Variants in LRRC28 observed in about 807,000 individuals in gnomAD.
LRRC28 encodes leucine-rich repeat-containing protein 28.
A neutral mutation model predicts 45.7 loss-of-function variants in LRRC28; 39 were observed. That is an observed-to-expected ratio of 0.85 (90% CI 0.66 to 1.12). The LOEUF (loss-of-function observed/expected upper bound fraction) is 1.12. Among genes scored for constraint, LRRC28 ranks in the 50% most tolerant of loss-of-function variants. The probability of loss-of-function intolerance (pLI) is 0.00; values close to 1 mark genes in which losing one functional copy is unlikely to be tolerated. For missense variants in LRRC28, 435 were observed against 438.5 expected (o/e 0.99, Z 0.07); for synonymous variants, 206 against 178.8 (o/e 1.15, Z -1.22).
In LRRC28 at chr15:99,299,851, G is replaced by A. The variant is rs114157152; in HGVS notation, c.385+11900G>A. On this transcript the variant is annotated intron_variant, in intron 5 of 9. Coordinates refer to ENST00000301981, the MANE Select transcript of LRRC28 (RefSeq NM_144598.5). The stretch of plus-strand genomic sequence containing the variant: ...GGTTTTCACTGTGTATTTTTTGTAG[G>A]TAGTAGGAAAACATTAAGTCAAAAC... Among the ~76,000 whole-genome samples, 400 of 152,226 alleles carry A rather than the reference G, an allele frequency of 2.6e-3. 2 individuals carry two copies. Among genetic ancestry groups the A allele is most frequent in the African/African-American group, 9.2e-3 (381 of 41,544 alleles).
chr15:99,322,836 G>A (rs894981158), intron 5 of LRRC28, among the ~76,000 whole-genome samples: 1 of 152,120 alleles, frequency 6.6e-6, no homozygotes, highest in South Asian at 2.1e-4. Context: ...TCATGTCCTG[G>A]GGCAAAGCAA....
intron 2 of LRRC28, among the ~76,000 whole-genome samples, chr15:99,264,156 T>A (rs2081273740): frequency 6.6e-6 from 1 of 152,232 alleles, no homozygotes; most frequent in African/African-American, 2.4e-5. Context: ...TGTCTGTGTC[T>A]TTCCCCCATT....
chr15:99,330,093 T>A (rs1429072199), intron 5 of LRRC28, among the ~76,000 whole-genome samples: 1 of 152,212 alleles, frequency 6.6e-6, no homozygotes, highest in Non-Finnish European at 1.5e-5. Flanking sequence ...AAGGAATTTT[T>A]AAAAATTCTT....
chr15:99,373,042 C>G (rs562501040), intron 9 of LRRC28, among the ~76,000 whole-genome samples: 2 of 152,212 alleles, frequency 1.3e-5, no homozygotes, highest in African/African-American at 4.8e-5. Flanking sequence ...ATTTAATCAC[C>G]TCCCACCGGG....
At chr15:99,369,969 G>T (rs1321630661) in intron 9 of LRRC28, among the ~76,000 whole-genome samples, 1 of 152,148 alleles carries the variant, frequency 6.6e-6, no homozygotes, top group Non-Finnish European at 1.5e-5. Context: ...AGTAGTCCTG[G>T]GGATAAAGAG....
intron 3 of LRRC28, among the ~76,000 whole-genome samples, chr15:99,283,577 C>T (rs937189806): frequency 5.3e-5 from 7 of 130,996 alleles, no homozygotes; most frequent in East Asian, 4.8e-4. Flanking sequence ...GATCGAGCCA[C>T]GGCACTCTAG....
Position 99,357,367 on chromosome 15 carries a change from C to T in LRRC28, c.696-3969C>T, listed in dbSNP as rs1478998873. Among the ~76,000 whole-genome samples, 5 of 152,318 alleles carry T rather than the reference C, an allele frequency of 3.3e-5. No homozygotes were observed. In the East Asian group the frequency reaches 9.6e-4, roughly 29 times the overall value. On this transcript the variant is annotated intron_variant, in intron 7 of 9. Transcript: ENST00000301981. The stretch of plus-strand genomic sequence containing the variant: ...AGGCACAATTTGTAGTAGCTCCACA[C>T]TACAAACAGCCCAAATGTCCATCAT...
In LRRC28 at chr15:99,378,208, T is replaced by C. The variant is rs934242952; in HGVS notation, c.1032-7822T>C. ...TATTCTTCCATTTGTTTGTGTCCTCTTTTATTTCGTTGAGCAGTGGTTTGT... is the reference window on the plus strand; with the variant it reads ...TATTCTTCCATTTGTTTGTGTCCTCCTTTATTTCGTTGAGCAGTGGTTTGT... On this transcript the variant is annotated intron_variant, in intron 9 of 9. Transcript: ENST00000301981. Among the ~76,000 whole-genome samples the C allele has an allele frequency of 9.2e-5, 14 of 152,370 alleles. No homozygotes were observed. In the Middle Eastern group the frequency reaches 0.02, roughly 222 times the overall value.
chr15:99,277,345 A>T (rs2081645732), intron 3 of LRRC28, among the ~76,000 whole-genome samples: 1 of 152,272 alleles, frequency 6.6e-6, no homozygotes, highest in Non-Finnish European at 1.5e-5. Context: ...CTAATAAGAA[A>T]GTTGAAAACA....
At chr15:99,256,817 A>C (rs976695313) in intron 2 of LRRC28, among the ~76,000 whole-genome samples, 12 of 152,246 alleles carry the variant, frequency 7.9e-5, no homozygotes, top group Admixed American at 6.5e-4. Context: ...GAATGTCCAA[A>C]TCAAGCTTTT....
chr15:99,367,772 C>T, intron 9 of LRRC28, among the ~76,000 whole-genome samples: 1 of 152,170 alleles, frequency 6.6e-6, no homozygotes, highest in East Asian at 1.9e-4. Flanking sequence ...TATCCCAGAG[C>T]TCTCCAAACC....
Position 99,388,411 on chromosome 15 carries a change from T to G in LRRC28, c.*2309T>G, listed in dbSNP as rs563771254. ...CCAGGCATTCTTTCTCTACCTATTA[T>G]GAACTACGGTGTGTTAAACAACAGC... On this transcript the variant is annotated 3_prime_UTR_variant, in exon 10 of 10. Transcript: ENST00000301981. 1 of 152,368 alleles carries G rather than the reference T, an allele frequency of 6.6e-6. No homozygotes were observed. The highest frequency in any genetic ancestry group is 2.4e-5 in the African/African-American group (1 of 41,584). The allele number at this position is 152,368 out of a possible 1,614,324, so 9.4% of individuals were successfully genotyped here.
intron 9 of LRRC28, among the ~76,000 whole-genome samples, chr15:99,383,644 C>T (rs900092962): frequency 6.6e-6 from 1 of 152,172 alleles, no homozygotes; most frequent in Non-Finnish European, 1.5e-5. Context: ...TCTCTCTCAC[C>T]TCTGATAATC....
intron 5 of LRRC28, among the ~76,000 whole-genome samples, chr15:99,328,527 C>T (rs996947040): frequency 6.6e-6 from 1 of 151,870 alleles, no homozygotes; most frequent in African/African-American, 2.4e-5. Context: ...AAGGAGTGGA[C>T]TCGTGGCCTT....
At chr15:99,285,284 C>G (rs2081927532) in intron 3 of LRRC28, 1 of 737,828 alleles carries the variant, frequency 1.4e-6, no homozygotes, top group Non-Finnish European at 2.5e-6. Flanking sequence ...TAAGTAGGCA[C>G]CTGGTCTTTG....
chr15:99,267,653 G>T (rs1485349490), intron 2 of LRRC28, among the ~76,000 whole-genome samples: 1 of 152,210 alleles, frequency 6.6e-6, no homozygotes, highest in Admixed American at 6.5e-5. Flanking sequence ...GTGTTTTAGT[G>T]TTTGTAAGTA....
intron 3 of LRRC28, among the ~76,000 whole-genome samples, chr15:99,283,234 T>C (rs1437286975): frequency 6.6e-6 from 1 of 152,056 alleles, no homozygotes; most frequent in South Asian, 2.1e-4. Flanking sequence ...TGGAACAATT[T>C]TATATTTATA....
intron 2 of LRRC28, chr15:99,257,969 C>T: frequency 2.5e-6 from 2 of 805,960 alleles, no homozygotes; most frequent in East Asian, 4.8e-5. Context: ...TAAGATAAGG[C>T]TGATATCACT....
Position 99,255,940 on chromosome 15 carries a change from G to C in LRRC28, c.-18G>C, listed in dbSNP as rs1567596700. On this transcript the variant is annotated 5_prime_UTR_variant, in exon 2 of 10. Coordinates refer to ENST00000301981, the MANE Select transcript of LRRC28 (RefSeq NM_144598.5). ...CAAGATATAGTGCTGCAGCGTGCCT[G>C]ATGGGATATATTCAGTCATGGCGTC... 2 of 1,609,540 alleles carry C rather than the reference G, an allele frequency of 1.2e-6. No individual in the cohort carries two copies. The highest frequency in any genetic ancestry group is 1.7e-5 in the Admixed American group (1 of 59,598).
Sources: allele counts gnomAD v4.1 joint callset (sites outside exome capture counted in the v4.1 genomes callset), GRCh38; gene constraint gnomAD v4.1.1; transcripts MANE v1.5; gene names NCBI Gene and HGNC (gene_info 2026-07-23, HGNC 2026-07-21).